The following SEMA6D variants were observed in gnomAD, a reference collection of about 807,000 sequenced individuals.
SEMA6D encodes the protein semaphorin-6D.
A neutral mutation model predicts 106.6 loss-of-function variants in SEMA6D; 35 were observed. That is an observed-to-expected ratio of 0.33 (90% CI 0.25 to 0.44). The LOEUF is 0.44. Among genes scored for constraint, SEMA6D ranks in the 20% least tolerant of loss-of-function variants. The pLI is 1.00. For missense variants in SEMA6D, 1,185 were observed against 1,345.9 expected, an observed-to-expected ratio of 0.88 and a Z score of 1.87; for synonymous variants, 499 against 487.7, an observed-to-expected ratio of 1.02 and a Z score of -0.31.
chr15:47,437,332 A>C (rs970059119), intron 2 of SEMA6D, among the ~76,000 whole-genome samples: 1 of 152,094 alleles, frequency 6.6e-6, no homozygotes, highest in African/African-American at 2.4e-5. Context: ...TTTTACTCCC[A>C]TCACTAAGAA....
chr15:47,622,201 CAAAAAA>C (rs199839582), intron 4 of SEMA6D, among the ~76,000 whole-genome samples: 4 of 62,798 alleles, frequency 6.4e-5, no homozygotes, highest in Non-Finnish European at 3.7e-5. Flanking sequence ...GAAACCCAGC[CAAAAAA>C]AAAAAAAAAA....
chr15:47,402,707 T>C (rs1025783782), intron 1 of SEMA6D, among the ~76,000 whole-genome samples: 3 of 151,776 alleles, frequency 2.0e-5, no homozygotes, highest in Non-Finnish European at 4.4e-5. Flanking sequence ...GTTTATGTTC[T>C]GTCTTCTCCC....
chr15:47,606,436 A>G (rs371528316), intron 4 of SEMA6D: 1 of 152,330 alleles, frequency 6.6e-6, no homozygotes, highest in East Asian at 1.9e-4. Flanking sequence ...GCCAGGCACT[A>G]TGGACAAAGA....
chr15:47,368,460 C>CTTTA (rs201137984), intron 1 of SEMA6D, among the ~76,000 whole-genome samples: 4,592 of 141,330 alleles, frequency 0.032, 96 homozygotes, highest in South Asian at 0.11. Context: ...GAAAATTAGC[C>CTTTA]TTTATTTATT....
At chr15:47,191,868 A>G (rs900369478) in intron 1 of SEMA6D, among the ~76,000 whole-genome samples, 1 of 152,158 alleles carries the variant, frequency 6.6e-6, no homozygotes, top group African/African-American at 2.4e-5. Context: ...GAGTTGCTGG[A>G]GAGAAGGCAG....
intron 1 of SEMA6D, among the ~76,000 whole-genome samples, chr15:47,365,890 G>GGAGAGAGAGAGAGAGAGAGAGA (rs201368884): frequency 1.1e-4 from 13 of 119,808 alleles, no homozygotes; most frequent in Non-Finnish European, 1.6e-4. Context: ...GAGAGAGAGA[G>GGAGAGAGAGAGAGAGAGAGAGA]GAGAGAGAGA....
At chr15:47,452,651 T>C (rs1269495536) in intron 2 of SEMA6D, among the ~76,000 whole-genome samples, 1 of 151,938 alleles carries the variant, frequency 6.6e-6, no homozygotes, top group Non-Finnish European at 1.5e-5. Flanking sequence ...TAATATTTTC[T>C]GAAACTTCTG....
At chr15:47,221,310 C>G (rs1328824150) in intron 1 of SEMA6D, among the ~76,000 whole-genome samples, 2 of 152,346 alleles carry the variant, frequency 1.3e-5, no homozygotes, top group Admixed American at 1.3e-4. Flanking sequence ...TCCAGCTCCC[C>G]CTGGGCTGTA....
rs113327895 is a variant in SEMA6D, at chr15:47,276,875, G to A, written c.-239+92457G>A. Among the ~76,000 whole-genome samples the A allele has an allele frequency of 4.7e-3, 722 of 152,260 alleles. 4 individuals are homozygous for A. The highest frequency in any genetic ancestry group is 8.3e-3 in the Non-Finnish European group (563 of 68,018). On this transcript the variant is annotated intron_variant, in intron 1 of 19. Transcript: ENST00000558014. ...AAGTAAAATGAAAACCTTCGGGTAA[G>A]GATTCACCATTATAAATGGCATAAA...
chr15:47,289,237 T>C (rs1195963401), intron 1 of SEMA6D, among the ~76,000 whole-genome samples: 1 of 151,602 alleles, frequency 6.6e-6, no homozygotes, highest in East Asian at 1.9e-4. Context: ...CTACTAAATA[T>C]ACAAAAATTA....
At chr15:47,319,544 C>T (rs950088311) in intron 1 of SEMA6D, among the ~76,000 whole-genome samples, 3 of 151,950 alleles carry the variant, frequency 2.0e-5, no homozygotes, top group Non-Finnish European at 1.5e-5. Flanking sequence ...TTTTTCTCCC[C>T]CCACCCCAGG....
Position 47,381,401 on chromosome 15 carries a change from A to G in SEMA6D, c.-238-30992A>G, listed in dbSNP as rs539034073. On this transcript the variant is annotated intron_variant, in intron 1 of 19. Coordinates refer to the SEMA6D transcript ENST00000558014. ...CAGTTACCACGAATGACCTCAATCT[A>G]TGGGATCTTTCTTACCCACATCAGT... Among the ~76,000 whole-genome samples the G allele has an allele frequency of 1.1e-3, 171 of 152,308 alleles. 1 individual carries two copies. Among genetic ancestry groups the G allele is most frequent in the Non-Finnish European group, 1.9e-3 (127 of 68,018 alleles).
rs1250368792 is a variant in SEMA6D, at chr15:47,766,014, G to A, written c.1568+5G>A. On this transcript the variant is annotated splice_donor_5th_base_variant and intron_variant, in intron 14 of 18. Transcript: ENST00000536845. The stretch of plus-strand genomic sequence containing the variant: ...GCGTTATGGATCATGTAAAAAGTAA[G>A]CTCGTGTTTCTTTACTTACCCTGGG... 3 of 1,603,170 alleles carry A rather than the reference G, an allele frequency of 1.9e-6. No individual in the cohort carries two copies. Among genetic ancestry groups the A allele is most frequent in the Admixed American group, 3.4e-5 (2 of 59,062 alleles).
intron 1 of SEMA6D, among the ~76,000 whole-genome samples, chr15:47,229,132 C>T (rs1415985852): frequency 6.6e-6 from 1 of 152,032 alleles, no homozygotes; most frequent in Non-Finnish European, 1.5e-5. Context: ...TATGCTACTG[C>T]TTTGGGGATA....
chr15:47,621,886 T>C (rs537132369), intron 4 of SEMA6D, among the ~76,000 whole-genome samples: 2 of 152,306 alleles, frequency 1.3e-5, no homozygotes, highest in South Asian at 4.1e-4. Context: ...AAGCATGAAG[T>C]GTCTTATGAA....
Position 47,365,886 on chromosome 15 carries a change from GAGAGGAGAGA to G in SEMA6D, c.-238-46506_-238-46497del, listed in dbSNP as rs1269473200. Among the ~76,000 whole-genome samples, 17 of 59,320 alleles carry G rather than the reference GAGAGGAGAGA, an allele frequency of 2.9e-4. No individual in the cohort carries two copies. In the South Asian group the frequency reaches 9.4e-3, roughly 33 times the overall value. 38.9% of individuals were successfully genotyped at this position (59,320 alleles called of 152,430 possible). A position where few individuals can be genotyped will look rare whatever the true frequency, so the allele number is the denominator to read the frequency against. On this transcript the variant is annotated intron_variant, in intron 1 of 19. Coordinates refer to the SEMA6D transcript ENST00000558014. ...AAAGAAAGAAAGAAAGAGAGAGAGA[GAGAGGAGAGA>G]GAGAGAGAGAGAGAGAGAGAGAGAG...
chr15:47,250,630 A>T (rs538847286), intron 1 of SEMA6D, among the ~76,000 whole-genome samples: 10 of 152,362 alleles, frequency 6.6e-5, no homozygotes, highest in African/African-American at 2.2e-4. Flanking sequence ...AATTGCTATC[A>T]CTAGCCCTCA....
At chr15:47,364,921 A>G (rs2038956565) in intron 1 of SEMA6D, among the ~76,000 whole-genome samples, 1 of 152,056 alleles carries the variant, frequency 6.6e-6, no homozygotes. Flanking sequence ...CAAAAATAAA[A>G]CCACAAAAGA....
intron 1 of SEMA6D, among the ~76,000 whole-genome samples, chr15:47,331,811 C>A (rs932214813): frequency 2.0e-5 from 3 of 152,130 alleles, no homozygotes; most frequent in African/African-American, 7.2e-5. Flanking sequence ...TGTCCCTTGC[C>A]ATTATGAGAA....
Sources: gnomAD v4.1 joint callset for allele counts (sites outside exome capture counted in the v4.1 genomes callset) on GRCh38, gnomAD v4.1.1 for gene constraint, MANE v1.5 for transcripts, NCBI Gene and HGNC (gene_info 2026-07-23, HGNC 2026-07-21) for gene names.